DNAH1: variants seen among roughly 807,000 people sequenced by gnomAD.
The protein encoded by DNAH1 is axonemal beta dynein heavy chain 1.
Under a neutral mutation model 484.3 loss-of-function variants are expected in DNAH1, and 327 were observed. That is an observed-to-expected ratio of 0.68 (90% CI 0.62 to 0.74). The LOEUF is 0.74. Ranked by LOEUF, DNAH1 falls within the 30% of genes least tolerant of loss-of-function variation. DNAH1 has a pLI of 0.00. For synonymous variants in DNAH1, 2,192 were observed against 2,191.9 expected (o/e 1.00, Z 0.00); for missense variants, 5,052 against 5,546.8 (o/e 0.91, Z 2.83).
At chr3:52,332,535 T>C (rs1360648995) in intron 8 of DNAH1, 141 bp downstream of exon 8, 1 of 1,268,268 alleles carries the variant, frequency 7.9e-7, no homozygotes, top group Non-Finnish European at 1.1e-6. Context: ...CCTCTGGACT[T>C]GTTGGGGCCT....
chr3:52,391,721 CA>C, intron 63 of DNAH1, 118 bp downstream of exon 63: 1 of 1,211,478 alleles, frequency 8.3e-7, no homozygotes, highest in South Asian at 1.4e-5. Flanking sequence ...AAGTCTCCAC[CA>C]GTTTCACCCC....
At position 52,368,723 on chromosome 3, in the gene DNAH1, T is replaced by C. The variant is rs1347502707; in HGVS notation, c.5766-18T>C. 6.2e-7 allele frequency: 1 copy of C among 1,605,880 alleles called. No homozygotes were observed. Among genetic ancestry groups the C allele is most frequent in the East Asian group, 2.2e-5 (1 of 44,710 alleles). On this transcript the variant is annotated intron_variant, in intron 36 of 77. Transcript: ENST00000420323. The surrounding 1 kb of genome is among the most constrained non-coding windows in gnomAD (Gnocchi z 4.4). ...CGCCTCCCTGATGTTTCCAGCCCTCTCCTCCCTGGCGCTGCAGGACAGACG... is the reference window on the plus strand; with the variant it reads ...CGCCTCCCTGATGTTTCCAGCCCTCCCCTCCCTGGCGCTGCAGGACAGACG...
chr3:52,398,970 T>C lies in DNAH1; in HGVS notation c.12210T>C (p.Thr4070=), dbSNP rs1407931319. The stretch of plus-strand genomic sequence containing the variant: ...TGGCTGCCAGCCTGTACAACAATAC[T>C]GTGCCTGAGCTCTGGAGTGCCAAGG... ...ELMAASLYNN[T]VPELWSAKAY... is the part of the protein sequence containing the mutation. Residue 4070 remains threonine, a synonymous_variant, in exon 76 of 78, where the codon ACT becomes ACC. Transcript: ENST00000420323. 3 of 1,613,828 alleles carry C rather than the reference T, an allele frequency of 1.9e-6. No individual in the cohort carries two copies. The highest frequency in any genetic ancestry group is 1.3e-5 in the African/African-American group (1 of 74,930).
At position 52,382,485 on chromosome 3, in the gene DNAH1, C is replaced by T. The variant is rs975427734; in HGVS notation, c.7941+30C>T. The T allele has an allele frequency of 1.2e-5, 20 of 1,610,568 alleles. No individual in the cohort carries two copies. The African/African-American group carries it at 1.3e-4, about 11-fold the overall frequency. ...CACTGCCACAGCAGAGGGCAGGGCT[C>T]GGGGGGGCTGGACACAACCCCATCT... is the stretch of plus-strand genomic sequence containing the variant. On this transcript the variant is annotated intron_variant, in intron 50 of 77. Coordinates refer to ENST00000420323, the MANE Select transcript of DNAH1 (RefSeq NM_015512.5).
Position 52,357,956 on chromosome 3 carries a change from A to G in DNAH1, c.4039A>G (p.Thr1347Ala). The stretch of plus-strand genomic sequence containing the variant: ...GATCTTGTCGCAGACAAAGGACCCC[A>G]CGGCCGTGCAGCCACACCTGCGCAA... Reference protein sequence around the residue: ...LEILSQTKDPTAVQPHLRKCF... With the variant: ...LEILSQTKDPAAVQPHLRKCF... The change falls in exon 24 of 78, where the codon ACG becomes GCG. Residue 1347 changes from threonine (T) to alanine (A), a missense_variant. Physicochemically the swap from Thr to Ala is moderately conservative, Grantham distance 58. This residue lies in a region of DNAH1 where 2,929 missense variants were observed against 3,409.4 expected (regional missense o/e 0.86). Transcript: ENST00000420323. The G allele has an allele frequency of 6.2e-7, 1 of 1,613,066 alleles. No individual in the cohort carries two copies. Among genetic ancestry groups the G allele is most frequent in the Non-Finnish European group, 8.5e-7 (1 of 1,179,738 alleles).
chr3:52,316,035 G>A (rs1337905935), upstream of DNAH1, among the ~76,000 whole-genome samples: 1 of 152,174 alleles, frequency 6.6e-6, no homozygotes, highest in East Asian at 1.9e-4. Context: ...CCATCACATG[G>A]TAAGCAGTGA....
intron 34 of DNAH1, 133 bp downstream of exon 34, chr3:52,365,152 C>T: frequency 7.8e-7 from 1 of 1,276,776 alleles, no homozygotes; most frequent in Non-Finnish European, 1.0e-6. Flanking sequence ...CAGGCCCGGG[C>T]TCTCAGCCGA....
At chr3:52,339,432 C>T (rs1339802606) in intron 8 of DNAH1, among the ~76,000 whole-genome samples, 1 of 151,876 alleles carries the variant, frequency 6.6e-6, no homozygotes, top group Admixed American at 6.6e-5. Context: ...CTTTTCTTAC[C>T]GACATTTGTC....
Position 52,347,984 on chromosome 3 carries a change from G to T in DNAH1, c.2106+10G>T. 1 of 1,599,784 alleles carries T rather than the reference G, an allele frequency of 6.3e-7. No individual in the cohort carries two copies. ...GCCCCAGCTGGAGAAGGTACGTGCT[G>T]CAGCCTGAGCAGGCCCCAGGCACCT... On this transcript the variant is annotated intron_variant, in intron 12 of 77. Coordinates refer to ENST00000420323, the MANE Select transcript of DNAH1 (RefSeq NM_015512.5).
At position 52,361,498 on chromosome 3, in the gene DNAH1, TG is replaced by T; in HGVS notation, c.4874+151del. 8.1e-7 allele frequency: 1 copy of T among 1,237,162 alleles called. No homozygotes were observed. Among genetic ancestry groups the T allele is most frequent in the Non-Finnish European group, 1.1e-6 (1 of 891,442 alleles). The allele number at this position is 1,237,162 out of a possible 1,614,324, so 76.6% of individuals were successfully genotyped here. A position where few individuals can be genotyped will look rare whatever the true frequency, so the allele number is the denominator to read the frequency against. ...GGTAATAGGCATCACGGCTTGGTCC[TG>T]GGGGCATTGGGGTGGGGAGTGGCAG... On this transcript the variant is annotated intron_variant, in intron 29 of 77. Coordinates refer to ENST00000420323, the MANE Select transcript of DNAH1 (RefSeq NM_015512.5). The surrounding 1 kb of genome is among the most constrained non-coding windows in gnomAD (Gnocchi z 5.6).
At position 52,345,630 on chromosome 3, in the gene DNAH1, C is replaced by T. The variant is rs1478785338; in HGVS notation, c.1580C>T (p.Ser527Phe). 1 of 1,611,036 alleles carries T rather than the reference C, an allele frequency of 6.2e-7. No individual in the cohort carries two copies. Among genetic ancestry groups the T allele is most frequent in the Non-Finnish European group, 8.5e-7 (1 of 1,178,686 alleles). ...RAECNKVTAM[S>F]LFHSSLSKYS... ...GAGTGCAACAAGGTGACCGCCATGT[C>T]CCTGTTCCACTCGAGCCTCTCCAAG... is the stretch of plus-strand genomic sequence containing the variant. Residue 527 changes from serine (S) to phenylalanine (F), a missense_variant, in exon 10 of 78, where the codon TCC (serine) becomes TTC (phenylalanine). Coordinates refer to ENST00000420323, the MANE Select transcript of DNAH1 (RefSeq NM_015512.5).
chr3:52,345,799 A>G, intron 10 of DNAH1, 93 bp downstream of exon 10: 1 of 1,291,908 alleles, frequency 7.7e-7, no homozygotes, highest in Non-Finnish European at 1.1e-6. Flanking sequence ...GGCCAGGGTC[A>G]GTGGGCCACA....
Position 52,384,981 on chromosome 3 carries a change from G to A in DNAH1, c.8514+4G>A. On this transcript the variant is annotated splice_donor_region_variant and intron_variant, in intron 53 of 77. Coordinates refer to ENST00000420323, the MANE Select transcript of DNAH1 (RefSeq NM_015512.5). The stretch of plus-strand genomic sequence containing the variant: ...CATGAAGAGCGGCCTCGACAAGGTG[G>A]GCCCAGGCGAGTCCCCGTGGACAAG... The A allele has an allele frequency of 6.2e-7, 1 of 1,610,526 alleles. No individual in the cohort carries two copies. Among genetic ancestry groups the A allele is most frequent in the Non-Finnish European group, 8.5e-7 (1 of 1,178,262 alleles).
chr3:52,326,242 C>T lies in DNAH1; in HGVS notation c.509C>T (p.Ala170Val), dbSNP rs868578149. The T allele has an allele frequency of 2.5e-6, 4 of 1,612,894 alleles. No individual in the cohort carries two copies. Among genetic ancestry groups the T allele is most frequent in the African/African-American group, 1.3e-5 (1 of 74,926 alleles). ...GCCCAGACTGACTTCCCACTGCAGG[C>T]CTACGAGCCCAAGATGCAGGTGCCT... ...LLAQTDFPLQ[A>V]YEPKMQVPFQ... Residue 170 changes from alanine to valine, a missense_variant, in exon 4 of 78, where the codon GCC (alanine) becomes GTC (valine). Ala to Val is a moderately conservative substitution (Grantham distance 64). Coordinates refer to ENST00000420323, the MANE Select transcript of DNAH1 (RefSeq NM_015512.5).
At chr3:52,336,840 G>A (rs1337901315) in intron 8 of DNAH1, among the ~76,000 whole-genome samples, 1 of 152,192 alleles carries the variant, frequency 6.6e-6, no homozygotes, top group Non-Finnish European at 1.5e-5. Context: ...CTGTAGCCTT[G>A]TAGTACAGTT....
At chr3:52,383,761 G>A in intron 51 of DNAH1, 99 bp from the exon 52 acceptor site, 1 of 1,446,900 alleles carries the variant, frequency 6.9e-7, no homozygotes, top group Non-Finnish European at 9.2e-7. Flanking sequence ...GCTGTGTCCT[G>A]GCTGCCATGC....
intron 46 of DNAH1, among the ~76,000 whole-genome samples, chr3:52,378,238 A>G (rs1703688238): frequency 6.6e-6 from 1 of 150,702 alleles, no homozygotes; most frequent in South Asian, 2.1e-4. Flanking sequence ...GGATCATGAG[A>G]CCCTCCCCAA....
At position 52,359,255 on chromosome 3, in the gene DNAH1, A is replaced by C; in HGVS notation, c.4276A>C (p.Thr1426Pro). 6.4e-7 allele frequency: 1 copy of C among 1,567,166 alleles called. No individual in the cohort carries two copies. Among genetic ancestry groups the C allele is most frequent in the East Asian group, 2.4e-5 (1 of 42,198 alleles). Reference sequence around the variant, plus strand: ...CATGCTGTCTTCCCAGATGCCCAGGACCCAGTGGGTTCTGAACTGGCCTGG... The same window carrying C: ...CATGCTGTCTTCCCAGATGCCCAGGCCCCAGTGGGTTCTGAACTGGCCTGG... Reference protein sequence around the residue: ...AIRAYPTMPRTQWVLNWPGQV... With the variant: ...AIRAYPTMPRPQWVLNWPGQV... Residue 1426 changes from threonine to proline, a missense_variant, in exon 26 of 78, where the codon ACC (threonine) becomes CCC (proline). Thr to Pro is a conservative substitution (Grantham distance 38). Transcript: ENST00000420323.
Position 52,346,782 on chromosome 3 carries a change from C to G in DNAH1, c.1955+12C>G, listed in dbSNP as rs374757221. 1 of 1,596,866 alleles carries G rather than the reference C, an allele frequency of 6.3e-7. No homozygotes were observed. The highest frequency in any genetic ancestry group is 1.3e-5 in the African/African-American group (1 of 74,640). ...AACAGCCCCTACAGGTGGGGCCCGG[C>G]GGGGCGGAGGCACCTGTTGACACCA... On this transcript the variant is annotated intron_variant, in intron 11 of 77. Coordinates refer to ENST00000420323, the MANE Select transcript of DNAH1 (RefSeq NM_015512.5).
Sources: gnomAD v4.1 joint callset for allele counts (sites outside exome capture counted in the v4.1 genomes callset) on GRCh38, gnomAD v4.1.1 for gene constraint, gnomAD v4.1.1 regional missense constraint, Gnocchi (gnomAD v3.1) non-coding constraint, MANE v1.5 for transcripts, NCBI Gene and HGNC (gene_info 2026-07-23, HGNC 2026-07-21) for gene names.